ADGRV1: variants seen among roughly 807,000 people sequenced by gnomAD.
ADGRV1 encodes the protein G-protein coupled receptor 98.
In ADGRV1, 359 loss-of-function variants were observed where a neutral mutation model predicts 596.2. The observed-to-expected ratio is 0.60, with a 90% CI of 0.55 to 0.66. The LOEUF (loss-of-function observed/expected upper bound fraction) is 0.66, where lower values mean the gene tolerates loss of function less well. Among genes scored for constraint, ADGRV1 ranks in the 30% least tolerant of loss-of-function variants. The probability of loss-of-function intolerance (pLI) is 0.00; values close to 1 mark genes in which losing one functional copy is unlikely to be tolerated. For missense variants in ADGRV1, 7,274 were observed against 7,575.6 expected, an observed-to-expected ratio of 0.96 and a Z score of 1.48; for synonymous variants, 2,681 against 2,679.2, an observed-to-expected ratio of 1.00 and a Z score of -0.02.
chr5:90,668,158 G>A (rs946787268), intron 21 of ADGRV1, among the ~76,000 whole-genome samples: 1 of 151,952 alleles, frequency 6.6e-6, no homozygotes, highest in Middle Eastern at 3.4e-3. Flanking sequence ...CTTCCAGGCT[G>A]CTTTGTTTAC....
Position 90,776,456 on chromosome 5 carries a change from G to A in ADGRV1, c.12407G>A (p.Ser4136Asn), listed in dbSNP as rs1455394601. 3.7e-6 allele frequency: 6 copies of A among 1,610,576 alleles called. No homozygotes were observed. The highest frequency in any genetic ancestry group is 5.1e-6 in the Non-Finnish European group (6 of 1,177,884). Residue 4136 changes from serine to asparagine, a missense_variant, in exon 61 of 90, where the codon AGT becomes AAT. By Grantham distance (46) the Ser-to-Asn change is conservative (BLOSUM62 1). Coordinates refer to ENST00000405460, the MANE Select transcript of ADGRV1 (RefSeq NM_032119.4). Reference sequence around the variant, plus strand: ...GTCTATATCATCTTGAATTTAGGTAGTGCATCAATAATTATTCGGGGTGAT... The same window carrying A: ...GTCTATATCATCTTGAATTTAGGTAATGCATCAATAATTATTCGGGGTGAT... Reference protein sequence around the residue: ...DEVEISPVKGSASIIIRGDKR... With the variant: ...DEVEISPVKGNASIIIRGDKR...
chr5:90,862,576 T>C (rs973609885), intron 82 of ADGRV1, among the ~76,000 whole-genome samples: 1 of 152,118 alleles, frequency 6.6e-6, no homozygotes, highest in African/African-American at 2.4e-5. Context: ...TTCCTGAAGA[T>C]ACACTCTGTA....
At position 90,637,906 on chromosome 5, in the gene ADGRV1, A is replaced by T; in HGVS notation, c.2198A>T (p.Asp733Val). The stretch of plus-strand genomic sequence containing the variant: ...ATCAACATTACTATCAAAGGTGATG[A>T]CATACCGGAAATGAATGAAACTGTA... ...TTINITIKGD[D>V]IPEMNETVTL... The change falls in exon 11 of 90, where the codon GAC (aspartate) becomes GTC (valine). Residue 733 changes from aspartate to valine, a missense_variant. Physicochemically the swap from Asp to Val is radical, Grantham distance 152. This residue lies in a region of ADGRV1 where 1,715 missense variants were observed against 1,708.8 expected (regional missense o/e 1.00). Transcript: ENST00000405460. The T allele has an allele frequency of 6.2e-7, 1 of 1,613,566 alleles. No homozygotes were observed. Among genetic ancestry groups the T allele is most frequent in the Non-Finnish European group, 8.5e-7 (1 of 1,179,660 alleles).
chr5:90,923,750 A>G (rs906699323), intron 83 of ADGRV1, among the ~76,000 whole-genome samples: 26 of 152,218 alleles, frequency 1.7e-4, no homozygotes, highest in Middle Eastern at 3.4e-3. Flanking sequence ...ATCTAGCATT[A>G]GTTATATCTC....
At chr5:91,078,356 A>G (rs1036625026) in intron 86 of ADGRV1, among the ~76,000 whole-genome samples, 7 of 152,194 alleles carry the variant, frequency 4.6e-5, no homozygotes, top group Admixed American at 1.3e-4. Context: ...GAGGGAAAGG[A>G]AAGAGCTCCT....
intron 87 of ADGRV1, among the ~76,000 whole-genome samples, chr5:91,142,756 A>G (rs1353059339): frequency 6.6e-6 from 1 of 152,228 alleles, no homozygotes; most frequent in Non-Finnish European, 1.5e-5. Context: ...TTAGACTATT[A>G]CGATTTCATT....
rs66505172 is a variant in ADGRV1, at chr5:90,647,954, TG to T, written c.3289+191del. Among the ~76,000 whole-genome samples the T allele has an allele frequency of 1, 151,919 of 152,306 alleles. 75,766 individuals carry two copies. The highest frequency in any genetic ancestry group is 1 in the Middle Eastern group (294 of 294). On this transcript the variant is annotated intron_variant, in intron 17 of 89. Transcript: ENST00000405460. ...ATGTGTTGAACCTTTATGTACTTGT[TG>T]AACCTTTATGACATCCTTTTTAACC...
At chr5:90,720,392 G>A (rs2149768613) in intron 44 of ADGRV1, among the ~76,000 whole-genome samples, 169 bp downstream of exon 44, 1 of 152,254 alleles carries the variant, frequency 6.6e-6, no homozygotes, top group South Asian at 2.1e-4. Flanking sequence ...TCCTAACTGG[G>A]AGTATCAAAA....
rs372310448 is a variant in ADGRV1 at position 90,810,399 on chromosome 5, G to A, written c.15139G>A (p.Gly5047Arg). The change falls in exon 74 of 90, where the codon GGA (glycine) becomes AGA (arginine). Residue 5047 changes from glycine to arginine, a missense_variant. This residue lies in a region of ADGRV1 where 1,874 missense variants were observed against 1,970.2 expected (regional missense o/e 0.95). Transcript: ENST00000405460. ...TAAAGTTTCTTATCAGACCACTGCAGGAAGCGCCAAGCCACTGGAAGATTT... is the reference window on the plus strand; with the variant it reads ...TAAAGTTTCTTATCAGACCACTGCAAGAAGCGCCAAGCCACTGGAAGATTT... ...LIKVSYQTTAGSAKPLEDFEP... is the reference protein window; with the variant it reads ...LIKVSYQTTARSAKPLEDFEP... 1.9e-6 allele frequency: 3 copies of A among 1,613,734 alleles called. No homozygotes were observed. The African/African-American group carries it at 4.0e-5, about 22-fold the overall frequency.
Position 91,153,213 on chromosome 5 carries a change from CT to C in ADGRV1, c.18625-7del. 1 of 1,597,378 alleles carries C rather than the reference CT, an allele frequency of 6.3e-7. No individual in the cohort carries two copies. On this transcript the variant is annotated splice_polypyrimidine_tract_variant and splice_region_variant and intron_variant, in intron 88 of 89. Coordinates refer to ENST00000405460, the MANE Select transcript of ADGRV1 (RefSeq NM_032119.4). ...GGTTTCTTTTTCCCCCCATCCCAAT[CT>C]AAAAAGGTGCCACCTGACTGGGAGA...
intron 83 of ADGRV1, among the ~76,000 whole-genome samples, chr5:90,948,090 C>A (rs915891057): frequency 6.6e-6 from 1 of 152,066 alleles, no homozygotes. Flanking sequence ...TATGCAGCTA[C>A]TCCACAAGGC....
chr5:90,988,289 A>G (rs545849236), intron 85 of ADGRV1, among the ~76,000 whole-genome samples: 26 of 152,236 alleles, frequency 1.7e-4, no homozygotes, highest in Non-Finnish European at 3.5e-4. Flanking sequence ...TCAGTATTTT[A>G]AGATGGATTT....
intron 83 of ADGRV1, among the ~76,000 whole-genome samples, chr5:90,866,688 G>A (rs1768142367): frequency 6.6e-6 from 1 of 151,902 alleles, no homozygotes; most frequent in Non-Finnish European, 1.5e-5. Context: ...TGTACCATAA[G>A]AAAGATTGTA....
chr5:90,940,076 G>A (rs1776042968), intron 83 of ADGRV1, among the ~76,000 whole-genome samples: 1 of 152,126 alleles, frequency 6.6e-6, no homozygotes, highest in South Asian at 2.1e-4. Flanking sequence ...TTGTCGACTT[G>A]TTTTCTTCTG....
chr5:90,992,374 C>T (rs1302872081), intron 85 of ADGRV1, among the ~76,000 whole-genome samples: 1 of 152,178 alleles, frequency 6.6e-6, no homozygotes, highest in African/African-American at 2.4e-5. Context: ...AAACCACAAC[C>T]TTAGCTTTTC....
At chr5:90,919,479 G>A (rs1408392061) in intron 83 of ADGRV1, among the ~76,000 whole-genome samples, 1 of 152,146 alleles carries the variant, frequency 6.6e-6, no homozygotes, top group East Asian at 1.9e-4. Flanking sequence ...GGGTCTTATA[G>A]TGATTATGAC....
chr5:91,122,891 A>G (rs1793448322), intron 87 of ADGRV1, among the ~76,000 whole-genome samples: 1 of 152,198 alleles, frequency 6.6e-6, no homozygotes, highest in South Asian at 2.1e-4. Flanking sequence ...CTAGTGTCAG[A>G]TGTGCTTCCT....
intron 60 of ADGRV1, among the ~76,000 whole-genome samples, chr5:90,775,379 A>G (rs1758118567): frequency 6.6e-6 from 1 of 152,188 alleles, no homozygotes; most frequent in African/African-American, 2.4e-5. Context: ...CTCTTTCATA[A>G]GTCTTTAGTT....
rs775351492 is a variant in ADGRV1 at position 91,072,510 on chromosome 5, C to T, written c.18216C>T (p.Leu6072=). 25 of 1,613,628 alleles carry T rather than the reference C, an allele frequency of 1.5e-5. No homozygotes were observed. The East Asian group carries it at 1.8e-4, about 12-fold the overall frequency. ...CAGCTCTTGTTCCTTTGACGTGCCT[C>T]GTGGTGGTGTTCGTGGTGTTCATCC... ...FTAALVPLTC[L]VVVFVVFIHA... is the part of the protein sequence containing the mutation. Residue 6072 remains leucine (L), a synonymous_variant, in exon 86 of 90, where the codon CTC becomes CTT. Coordinates refer to ENST00000405460, the MANE Select transcript of ADGRV1 (RefSeq NM_032119.4).
Sources: allele counts gnomAD v4.1 joint callset (sites outside exome capture counted in the v4.1 genomes callset), GRCh38; gene constraint gnomAD v4.1.1; regional missense constraint gnomAD v4.1.1; transcripts MANE v1.5; gene names NCBI Gene and HGNC (gene_info 2026-07-23, HGNC 2026-07-21).